The following TNNI3K variants were observed in gnomAD, a reference collection of about 807,000 sequenced individuals.
TNNI3K encodes serine/threonine-protein kinase TNNI3K.
Under a neutral mutation model 114.5 loss-of-function variants are expected in TNNI3K, and 140 were observed. The ratio of observed to expected loss-of-function variants is 1.22; its 90% CI spans 1.07 to 1.41. TNNI3K has a LOEUF of 1.41. Among genes scored for constraint, TNNI3K ranks in the 40% most tolerant of loss-of-function variants. The pLI is 0.00. For synonymous variants in TNNI3K, 347 were observed against 347.5 expected, an observed-to-expected ratio of 1.00 and a Z score of 0.02; for missense variants, 1,125 against 1,007.6, an observed-to-expected ratio of 1.12 and a Z score of -1.58.
intron 17 of TNNI3K, among the ~76,000 whole-genome samples, chr1:74,389,141 G>A (rs1442693725): frequency 2.6e-5 from 4 of 152,200 alleles, no homozygotes; most frequent in Admixed American, 1.3e-4. Context: ...TTTGCCATAG[G>A]TCAGGAGGAA....
At position 74,271,654 on chromosome 1, in the gene TNNI3K, T is replaced by C; in HGVS notation, c.390T>C (p.Val130=). Residue 130 remains valine, a synonymous_variant, in exon 5 of 25, where the codon GTT becomes GTC. Coordinates refer to ENST00000326637, the MANE Select transcript of TNNI3K (RefSeq NM_015978.3). ...LLHSGADIQQ[V]GYGGLTALHI... ...ACAGTGGAGCTGATATACAGCAGGT[T>C]GGATACGGTGGCCTCACTGCCCTCC... 6.2e-7 allele frequency: 1 copy of C among 1,609,888 alleles called. No individual in the cohort carries two copies. Among genetic ancestry groups the C allele is most frequent in the Non-Finnish European group, 8.5e-7 (1 of 1,177,490 alleles).
At chr1:74,322,516 A>G (rs568521525) in intron 5 of TNNI3K, among the ~76,000 whole-genome samples, 1 of 144,030 alleles carries the variant, frequency 6.9e-6, no homozygotes, top group East Asian at 2.0e-4. Flanking sequence ...GCTGGAGTGC[A>G]GTGGCACCAT....
intron 11 of TNNI3K, among the ~76,000 whole-genome samples, chr1:74,358,282 C>A (rs1661767069): frequency 6.6e-6 from 1 of 151,898 alleles, no homozygotes; most frequent in South Asian, 2.1e-4. Context: ...AGCAAAGGCG[C>A]CTAATTCACA....
At chr1:74,478,510 A>G (rs1668319181) in intron 21 of TNNI3K, among the ~76,000 whole-genome samples, 1 of 152,234 alleles carries the variant, frequency 6.6e-6, no homozygotes, top group African/African-American at 2.4e-5. Flanking sequence ...TTGCTCTATT[A>G]TAATATTTCC....
chr1:74,536,496 C>A (rs1339866489), intron 23 of TNNI3K, among the ~76,000 whole-genome samples: 1 of 152,012 alleles, frequency 6.6e-6, no homozygotes, highest in East Asian at 1.9e-4. Flanking sequence ...TCCTAATGCA[C>A]CTTTATAAAA....
At chr1:74,425,331 A>C (rs1296165989) in intron 17 of TNNI3K, among the ~76,000 whole-genome samples, 1 of 152,144 alleles carries the variant, frequency 6.6e-6, no homozygotes, top group East Asian at 1.9e-4. Flanking sequence ...TAAATGTTGA[A>C]TATATAGAAA....
chr1:74,494,038 T>A (rs1669209296), intron 23 of TNNI3K, among the ~76,000 whole-genome samples: 2 of 152,156 alleles, frequency 1.3e-5, no homozygotes, highest in African/African-American at 4.8e-5. Context: ...AAGAAGGCAG[T>A]CACTGTGAGC....
intron 5 of TNNI3K, among the ~76,000 whole-genome samples, chr1:74,285,313 T>C (rs1350102431): frequency 6.6e-6 from 1 of 152,200 alleles, no homozygotes; most frequent in African/African-American, 2.4e-5. Flanking sequence ...CTCTCCTACC[T>C]TTTCAGCCCT....
chr1:74,339,885 A>T lies in TNNI3K; in HGVS notation c.683-2957A>T, dbSNP rs545155620. ...ATTGAAAAAATTAAATTTAGAATTA[A>T]TAATTTCTGTCATCTTAATCATAAA... On this transcript the variant is annotated intron_variant, in intron 7 of 24. Transcript: ENST00000326637. 8.3e-4 allele frequency among the ~76,000 whole-genome samples: 127 copies of T among 152,260 alleles called. 1 individual carries two copies. Among genetic ancestry groups the T allele is most frequent in the Non-Finnish European group, 8.1e-4 (55 of 68,020 alleles).
In TNNI3K at chr1:74,263,417, A is replaced by G. The variant is rs188528044; in HGVS notation, c.334-8181A>G. 4.6e-5 allele frequency among the ~76,000 whole-genome samples: 7 copies of G among 152,118 alleles called. No homozygotes were observed. In the East Asian group the frequency reaches 1.4e-3, roughly 29 times the overall value. On this transcript the variant is annotated intron_variant, in intron 4 of 24. Coordinates refer to ENST00000326637, the MANE Select transcript of TNNI3K (RefSeq NM_015978.3). The stretch of plus-strand genomic sequence containing the variant: ...CATCTTATTCTGAGTGCTTAGAACA[A>G]CGCTTGATATATATACTTAATAAAT...
intron 5 of TNNI3K, among the ~76,000 whole-genome samples, chr1:74,282,922 G>T (rs1470028272): frequency 6.6e-6 from 1 of 152,002 alleles, no homozygotes; most frequent in Non-Finnish European, 1.5e-5. Context: ...CATCGCAAGG[G>T]CCAAATATGC....
intron 17 of TNNI3K, among the ~76,000 whole-genome samples, chr1:74,434,938 C>A (rs561494935): frequency 6.6e-6 from 1 of 152,100 alleles, no homozygotes; most frequent in South Asian, 2.1e-4. Context: ...ATATTGGACT[C>A]ACTCAAGATT....
At chr1:74,355,637 A>G (rs921075644) in intron 11 of TNNI3K, among the ~76,000 whole-genome samples, 2 of 149,636 alleles carry the variant, frequency 1.3e-5, no homozygotes, top group Non-Finnish European at 2.9e-5. Flanking sequence ...ATAAATGAAT[A>G]AATAAATAAA....
intron 21 of TNNI3K, among the ~76,000 whole-genome samples, chr1:74,486,350 T>G (rs1668764389): frequency 6.6e-6 from 1 of 152,122 alleles, no homozygotes; most frequent in African/African-American, 2.4e-5. Context: ...GTCCAGAGTT[T>G]CTCGTTGTTT....
chr1:74,401,994 A>G (rs749992066), intron 17 of TNNI3K: 7 of 313,316 alleles, frequency 2.2e-5, no homozygotes, highest in Non-Finnish European at 4.4e-5. Flanking sequence ...AATTTTATAT[A>G]TATATATTTT....
chr1:74,301,348 C>T (rs1839367), intron 5 of TNNI3K, among the ~76,000 whole-genome samples: 3,332 of 151,904 alleles, frequency 0.022, 77 homozygotes, highest in South Asian at 0.11. Flanking sequence ...TGCAGTGAGC[C>T]GAGATCGAGC....
Position 74,543,886 on chromosome 1 carries a change from G to A in TNNI3K, c.2432-20G>A, listed in dbSNP as rs760122324. 1.2e-5 allele frequency: 20 copies of A among 1,613,174 alleles called. No individual in the cohort carries two copies. The South Asian group carries it at 2.2e-4, about 18-fold the overall frequency. ...ACTGAAAGACTAGTAAGTAACAACT[G>A]AACTTCTTTTCTGATGCAGGCTATG... On this transcript the variant is annotated intron_variant, in intron 24 of 24. Transcript: ENST00000326637.
At chr1:74,300,988 C>G (rs1432184163) in intron 5 of TNNI3K, among the ~76,000 whole-genome samples, 1 of 152,068 alleles carries the variant, frequency 6.6e-6, no homozygotes, top group Non-Finnish European at 1.5e-5. Flanking sequence ...CTTAATTAAG[C>G]ATAAATATGT....
At chr1:74,528,907 A>G (rs910318959) in intron 23 of TNNI3K, among the ~76,000 whole-genome samples, 1 of 152,230 alleles carries the variant, frequency 6.6e-6, no homozygotes, top group African/African-American at 2.4e-5. Context: ...AAGGTACAAA[A>G]CAAGAAAATA....
Sources: allele counts gnomAD v4.1 joint callset (sites outside exome capture counted in the v4.1 genomes callset), GRCh38; gene constraint gnomAD v4.1.1; transcripts MANE v1.5; gene names NCBI Gene and HGNC (gene_info 2026-07-23, HGNC 2026-07-21).